Variants in FOCAD observed in about 807,000 individuals in gnomAD.
FOCAD encodes KIAA1797.
A neutral mutation model predicts 225.6 loss-of-function variants in FOCAD; 198 were observed. The observed-to-expected ratio is 0.88, with a 90% CI of 0.78 to 0.99. FOCAD has a LOEUF of 0.99. Ranked by LOEUF, FOCAD falls within the 50% of genes least tolerant of loss-of-function variation. The pLI, the probability that FOCAD is intolerant of heterozygous loss-of-function variation, is 0.00. For synonymous variants in FOCAD, 897 were observed against 755.0 expected, an observed-to-expected ratio of 1.19 and a Z score of -3.08; for missense variants, 2,713 against 2,123.6, an observed-to-expected ratio of 1.28 and a Z score of -5.46.
At chr9:20,989,754 T>C (rs999797391) in intron 41 of FOCAD, among the ~76,000 whole-genome samples, 2 of 152,192 alleles carry the variant, frequency 1.3e-5, no homozygotes, top group Non-Finnish European at 2.9e-5. Context: ...CCATAAATAT[T>C]TCTTCATTTT....
intron 4 of FOCAD, among the ~76,000 whole-genome samples, chr9:20,729,634 A>G (rs1172596295): frequency 6.6e-6 from 1 of 152,152 alleles, no homozygotes; most frequent in Non-Finnish European, 1.5e-5. Context: ...CAGTAACCAT[A>G]TGAATGCAGA....
In FOCAD at chr9:20,987,818, C is replaced by T. The variant is rs951261432; in HGVS notation, c.4907-514C>T. On this transcript the variant is annotated intron_variant, in intron 40 of 43. Coordinates refer to ENST00000338382, the MANE Select transcript of FOCAD (RefSeq NM_001375567.1). ...TAGTCTTTACTGTGCTGGGAATCCT[C>T]TTTTTTAAAAAACAAAATTAAAAGG... is the stretch of plus-strand genomic sequence containing the variant. Among the ~76,000 whole-genome samples the T allele has an allele frequency of 8.6e-5, 13 of 152,042 alleles. No individual in the cohort carries two copies. The East Asian group carries it at 2.1e-3, about 25-fold the overall frequency.
intron 28 of FOCAD, among the ~76,000 whole-genome samples, chr9:20,944,096 G>A (rs1836934470): frequency 1.3e-5 from 2 of 152,210 alleles, no homozygotes; most frequent in Admixed American, 1.3e-4. Context: ...CTTTAGGAAA[G>A]AAATTCCACT....
chr9:20,986,174 G>A (rs1841134302), intron 39 of FOCAD, 114 bp from the exon 40 acceptor site: 1 of 1,001,304 alleles, frequency 1.0e-6, no homozygotes, highest in Non-Finnish European at 1.4e-6. Context: ...TGCAGGAAAT[G>A]AACAGAATAG....
chr9:20,803,194 A>G (rs554492186), intron 11 of FOCAD, among the ~76,000 whole-genome samples: 1 of 152,200 alleles, frequency 6.6e-6, no homozygotes, highest in African/African-American at 2.4e-5. Flanking sequence ...TTAGGAAATG[A>G]GAGGATAGGT....
chr9:20,816,087 A>G (rs1823698426), intron 11 of FOCAD, among the ~76,000 whole-genome samples: 1 of 152,122 alleles, frequency 6.6e-6, no homozygotes, highest in South Asian at 2.1e-4. Context: ...AACTGGCCAG[A>G]GGAAAAGACA....
chr9:20,828,169 A>T (rs1825106296), intron 15 of FOCAD, among the ~76,000 whole-genome samples: 1 of 151,462 alleles, frequency 6.6e-6, no homozygotes, highest in South Asian at 2.1e-4. Context: ...AAAAAAAAAA[A>T]GAGAGAAAAA....
intron 35 of FOCAD, among the ~76,000 whole-genome samples, chr9:20,960,248 A>G (rs1256342107): frequency 6.6e-6 from 1 of 152,172 alleles, no homozygotes; most frequent in Non-Finnish European, 1.5e-5. Flanking sequence ...TTCTCATATT[A>G]GAGTTAGGTG....
intron 18 of FOCAD, among the ~76,000 whole-genome samples, chr9:20,869,239 T>C (rs1284347622): frequency 6.6e-6 from 1 of 152,152 alleles, no homozygotes; most frequent in Non-Finnish European, 1.5e-5. Context: ...AGACTTAAGG[T>C]TACCTATTTT....
intron 4 of FOCAD, among the ~76,000 whole-genome samples, chr9:20,725,218 T>C (rs1456337482): frequency 6.6e-6 from 1 of 152,218 alleles, no homozygotes; most frequent in Non-Finnish European, 1.5e-5. Flanking sequence ...GGAATGACTT[T>C]GGGTGAGACA....
intron 4 of FOCAD, among the ~76,000 whole-genome samples, chr9:20,735,087 A>G (rs185770673): frequency 5.9e-5 from 9 of 152,246 alleles, no homozygotes; most frequent in African/African-American, 2.2e-4. Flanking sequence ...CTACTCTTTA[A>G]CACTGAGTAT....
chr9:20,803,884 A>T (rs555848927), intron 11 of FOCAD, among the ~76,000 whole-genome samples: 1 of 152,122 alleles, frequency 6.6e-6, no homozygotes, highest in African/African-American at 2.4e-5. Context: ...AGCAGCATCA[A>T]TTAAAGGTTG....
chr9:20,865,854 C>G (rs1829182634), intron 16 of FOCAD, 72 bp from the exon 17 acceptor site: 2 of 1,050,914 alleles, frequency 1.9e-6, no homozygotes, highest in African/African-American at 1.6e-5. Context: ...TCATTATTTG[C>G]TACTTTGGAT....
At chr9:20,903,801 T>C (rs1832739884) in intron 21 of FOCAD, among the ~76,000 whole-genome samples, 1 of 151,976 alleles carries the variant, frequency 6.6e-6, no homozygotes, top group Non-Finnish European at 1.5e-5. Context: ...ATTTAGTACA[T>C]ATACAATGTT....
chr9:20,995,434 A>G, intron 43 of FOCAD, 122 bp from the exon 44 acceptor site: 1 of 556,900 alleles, frequency 1.8e-6, no homozygotes, highest in Admixed American at 3.1e-5. Context: ...CTGCCAAAAT[A>G]TCGATGGAAC....
At chr9:20,876,488 G>A (rs766736958) in intron 19 of FOCAD, among the ~76,000 whole-genome samples, 4 of 152,106 alleles carry the variant, frequency 2.6e-5, no homozygotes, top group Non-Finnish European at 5.9e-5. Flanking sequence ...TACAGAATGT[G>A]CAGTGCTATG....
Position 20,981,669 on chromosome 9 carries a change from C to T in FOCAD, c.4621C>T (p.Leu1541=). The change falls in exon 38 of 44, where the codon CTG becomes TTG. Residue 1541 remains leucine, a synonymous_variant. Transcript: ENST00000338382. ...AGCTACTGGGAAAATTTTTGACCTC[C>T]TGCCAAATAAGATTCGGGTGAGGAA... ...SEATGKIFDL[L]PNKIRRKDLE... 1.2e-6 allele frequency: 2 copies of T among 1,608,970 alleles called. No individual in the cohort carries two copies. The highest frequency in any genetic ancestry group is 1.3e-5 in the African/African-American group (1 of 74,808).
chr9:20,656,504 T>C (rs1821480630), upstream of FOCAD, among the ~76,000 whole-genome samples: 2 of 152,158 alleles, frequency 1.3e-5, no homozygotes, highest in African/African-American at 4.8e-5. Flanking sequence ...GCTCTTCTTG[T>C]TGAATTGATC....
intron 25 of FOCAD, among the ~76,000 whole-genome samples, chr9:20,925,821 A>C (rs1295856484): frequency 6.6e-6 from 1 of 152,182 alleles, no homozygotes; most frequent in East Asian, 1.9e-4. Flanking sequence ...AATGTTGTCA[A>C]GATTCTTGAA....
Sources: allele counts gnomAD v4.1 joint callset (sites outside exome capture counted in the v4.1 genomes callset), GRCh38; gene constraint gnomAD v4.1.1; transcripts MANE v1.5; gene names NCBI Gene and HGNC (gene_info 2026-07-23, HGNC 2026-07-21).